SYN3: variants seen among roughly 807,000 people sequenced by gnomAD.
SYN3 encodes synapsin III.
Under a neutral mutation model 65.8 loss-of-function variants are expected in SYN3, and 35 were observed. That is an observed-to-expected ratio of 0.53 (90% CI 0.41 to 0.70). The LOEUF (loss-of-function observed/expected upper bound fraction) is 0.70, where lower values mean the gene tolerates loss of function less well. Ranked by LOEUF, SYN3 falls within the 30% of genes least tolerant of loss-of-function variation. The pLI is 0.00. For synonymous variants in SYN3, 270 were observed against 292.9 expected, an observed-to-expected ratio of 0.92 and a Z score of 0.80; for missense variants, 680 against 749.0, an observed-to-expected ratio of 0.91 and a Z score of 1.08.
chr22:32,569,454 A>ATCTATCTTC (rs2058722865), intron 7 of SYN3, among the ~76,000 whole-genome samples: 1 of 142,174 alleles, frequency 7.0e-6, no homozygotes, highest in African/African-American at 2.6e-5. Flanking sequence ...TATCTTCTCT[A>ATCTATCTTC]TCTATCTAAA....
intron 6 of SYN3, among the ~76,000 whole-genome samples, chr22:32,776,943 G>A (rs1227004070): frequency 6.6e-6 from 1 of 152,110 alleles, no homozygotes; most frequent in Non-Finnish European, 1.5e-5. Flanking sequence ...CGAAGTGCCC[G>A]TGGGTGAACT....
chr22:32,783,601 T>C lies in SYN3; in HGVS notation c.711+81314A>G, dbSNP rs184702607. On this transcript the variant is annotated intron_variant, in intron 6 of 13. Coordinates refer to ENST00000358763, the MANE Select transcript of SYN3 (RefSeq NM_003490.4). ...ATGTCTTGTCCACTGTTCTTTACCA[T>C]GCTGGAATCCCCTGTGCGCCGTCTC... Among the ~76,000 whole-genome samples the C allele has an allele frequency of 9.2e-5, 14 of 152,338 alleles. 1 individual carries two copies. In the East Asian group the frequency reaches 2.7e-3, roughly 29 times the overall value.
At chr22:32,941,611 C>T (rs769247613) in intron 3 of SYN3, among the ~76,000 whole-genome samples, 18 of 152,144 alleles carry the variant, frequency 1.2e-4, no homozygotes, top group Non-Finnish European at 1.9e-4. Context: ...GCAGGACAGT[C>T]GGTGCAGCCC....
At chr22:32,843,760 A>G (rs1319496032) in intron 6 of SYN3, among the ~76,000 whole-genome samples, 2 of 152,140 alleles carry the variant, frequency 1.3e-5, no homozygotes, top group Admixed American at 6.5e-5. Flanking sequence ...CCATCAGAAG[A>G]GCAGCCCCTT....
chr22:32,707,101 C>T (rs2060890853), intron 6 of SYN3, among the ~76,000 whole-genome samples: 2 of 152,160 alleles, frequency 1.3e-5, no homozygotes, highest in South Asian at 4.1e-4. Flanking sequence ...CATGTGCATA[C>T]ATTGCTTCAA....
At chr22:32,544,675 T>C (rs531701589) in intron 7 of SYN3, among the ~76,000 whole-genome samples, 2 of 152,320 alleles carry the variant, frequency 1.3e-5, no homozygotes, top group Admixed American at 1.3e-4. Flanking sequence ...CACCTCTTCT[T>C]CCAATGCCCC....
chr22:32,671,357 CTTACTT>C (rs1475002168), intron 6 of SYN3, among the ~76,000 whole-genome samples: 1 of 151,944 alleles, frequency 6.6e-6, no homozygotes, highest in Non-Finnish European at 1.5e-5. Context: ...CACACTCACT[CTTACTT>C]CCTCACACTC....
At chr22:32,612,952 C>A (rs114727696) in intron 6 of SYN3, among the ~76,000 whole-genome samples, 1 of 152,210 alleles carries the variant, frequency 6.6e-6, no homozygotes, top group East Asian at 1.9e-4. Flanking sequence ...GGCAGGTGAT[C>A]GGATCATGGG....
Position 33,003,196 on chromosome 22 carries a change from T to C in SYN3, c.311+3156A>G, listed in dbSNP as rs541584776. On this transcript the variant is annotated intron_variant, in intron 2 of 13. Coordinates refer to ENST00000358763, the MANE Select transcript of SYN3 (RefSeq NM_003490.4). Reference sequence around the variant, plus strand: ...TTATAGCAGTGTGAGAATGGACTAATATAGTAAATTGGTACCCCAGAGAGT... The same window carrying C: ...TTATAGCAGTGTGAGAATGGACTAACATAGTAAATTGGTACCCCAGAGAGT... 2.0e-5 allele frequency among the ~76,000 whole-genome samples: 3 copies of C among 152,274 alleles called. No homozygotes were observed. In the East Asian group the frequency reaches 5.8e-4, roughly 29 times the overall value.
chr22:32,685,915 G>T (rs2060582911), intron 6 of SYN3, among the ~76,000 whole-genome samples: 1 of 152,022 alleles, frequency 6.6e-6, no homozygotes, highest in Non-Finnish European at 1.5e-5. Context: ...TGTTTCCAAA[G>T]AATTTTTAAT....
At chr22:32,985,393 T>TGATC (rs2052494344) in intron 2 of SYN3, among the ~76,000 whole-genome samples, 1 of 152,154 alleles carries the variant, frequency 6.6e-6, no homozygotes, top group Non-Finnish European at 1.5e-5. Context: ...CACCTTGCTT[T>TGATC]GATCTGTCTC....
chr22:32,522,652 A>G (rs954414989), intron 12 of SYN3, among the ~76,000 whole-genome samples: 1 of 152,206 alleles, frequency 6.6e-6, no homozygotes, highest in African/African-American at 2.4e-5. Context: ...AATAGTAAGC[A>G]TTATGTCATA....
chr22:32,534,267 T>C (rs967955450), intron 9 of SYN3, among the ~76,000 whole-genome samples: 2 of 152,174 alleles, frequency 1.3e-5, no homozygotes, highest in African/African-American at 2.4e-5. Context: ...GAGCTTGCCC[T>C]GTCCCCATCC....
chr22:32,954,677 A>G (rs2051393681), intron 3 of SYN3, among the ~76,000 whole-genome samples: 1 of 152,208 alleles, frequency 6.6e-6, no homozygotes, highest in Non-Finnish European at 1.5e-5. Context: ...AGTACCACAG[A>G]TGAACCAGAA....
intron 1 of SYN3, among the ~76,000 whole-genome samples, chr22:33,049,592 G>A (rs1390492336): frequency 1.3e-5 from 2 of 152,152 alleles, no homozygotes; most frequent in African/African-American, 4.8e-5. Context: ...ATTGATACCC[G>A]CCTCCCCATT....
At chr22:32,636,409 AAAAAAAAAAG>A (rs1378543309) in intron 6 of SYN3, among the ~76,000 whole-genome samples, 1 of 150,706 alleles carries the variant, frequency 6.6e-6, no homozygotes, top group African/African-American at 2.4e-5. Context: ...CTCAAAAAAA[AAAAAAAAAAG>A]AAAAGAAAAG....
rs190349302 is a variant in SYN3 at position 32,940,633 on chromosome 22, T to C, written c.370-9152A>G. 2.8e-3 allele frequency among the ~76,000 whole-genome samples: 422 copies of C among 152,374 alleles called. 3 individuals carry two copies. Among genetic ancestry groups the C allele is most frequent in the African/African-American group, 9.7e-3 (404 of 41,600 alleles). Reference sequence around the variant, plus strand: ...TATTGAAATGAGCACTCTTTCTCAATAGAATTGCATTGGTACCTTTGCCAA... The same window carrying C: ...TATTGAAATGAGCACTCTTTCTCAACAGAATTGCATTGGTACCTTTGCCAA... On this transcript the variant is annotated intron_variant, in intron 3 of 13. Coordinates refer to ENST00000358763, the MANE Select transcript of SYN3 (RefSeq NM_003490.4).
chr22:32,589,059 C>T (rs1377706926), intron 7 of SYN3, among the ~76,000 whole-genome samples: 1 of 152,226 alleles, frequency 6.6e-6, no homozygotes, highest in Non-Finnish European at 1.5e-5. Context: ...GACTGAAACA[C>T]TGCCCCGAGC....
rs2048760887 is a variant in SYN3, at chr22:32,868,890, G to C, written c.621+76C>G. 17 of 1,455,248 alleles carry C rather than the reference G, an allele frequency of 1.2e-5. No individual in the cohort carries two copies. In the South Asian group the frequency reaches 2.0e-4, roughly 17 times the overall value. The allele number at this position is 1,455,248 out of a possible 1,614,324, so 90.1% of individuals were successfully genotyped here. A position where few individuals can be genotyped will look rare whatever the true frequency, so the allele number is the denominator to read the frequency against. On this transcript the variant is annotated intron_variant, in intron 5 of 13. Transcript: ENST00000358763. ...TTACTACTGAGGCCTCCATGCTGGG[G>C]AGTGGGCTTGTCGCAGAGTGGGAGG...
Sources: gnomAD v4.1 joint callset for allele counts (sites outside exome capture counted in the v4.1 genomes callset) on GRCh38, gnomAD v4.1.1 for gene constraint, MANE v1.5 for transcripts, NCBI Gene and HGNC (gene_info 2026-07-23, HGNC 2026-07-21) for gene names.